The following ANK2 variants were observed in gnomAD, a reference collection of about 807,000 sequenced individuals.
ANK2 encodes the protein ankyrin 2.
A neutral mutation model predicts 360.5 loss-of-function variants in ANK2; 83 were observed. That is an observed-to-expected ratio of 0.23 (90% CI 0.19 to 0.28). ANK2 has a LOEUF of 0.28. ANK2 is among the 10% of genes least tolerant of loss of function. The pLI is 1.00. For synonymous variants in ANK2, 1,740 were observed against 1,759.5 expected (o/e 0.99, Z 0.28); for missense variants, 4,201 against 4,795.7 (o/e 0.88, Z 3.66).
intron 1 of ANK2, among the ~76,000 whole-genome samples, chr4:113,062,803 G>A (rs1252420253): frequency 6.6e-6 from 1 of 151,990 alleles, no homozygotes; most frequent in Non-Finnish European, 1.5e-5. Context: ...CAGCTGTCTA[G>A]TAAACATTTA....
chr4:113,340,487 G>A (rs2094143637), intron 32 of ANK2, among the ~76,000 whole-genome samples: 1 of 152,118 alleles, frequency 6.6e-6, no homozygotes, highest in Admixed American at 6.6e-5. Flanking sequence ...GAGCCCAGGA[G>A]TTCAAGACTA....
chr4:113,294,586 G>A (rs955915544), intron 22 of ANK2, among the ~76,000 whole-genome samples: 1 of 152,158 alleles, frequency 6.6e-6, no homozygotes, highest in African/African-American at 2.4e-5. Context: ...AGTTCCTGTT[G>A]ACATATATTG....
At chr4:112,754,111 GTATATATATATATATATA>G in the ANK2 span, among the ~76,000 whole-genome samples, 8 of 111,446 alleles carry the variant, frequency 7.2e-5, no homozygotes, top group Middle Eastern at 5.6e-3. Context: ...AAAAAAAAAA[GTATATATATATATATATA>G]TATATATATA....
chr4:113,069,726 T>C (rs150471849), intron 1 of ANK2, among the ~76,000 whole-genome samples: 204 of 152,278 alleles, frequency 1.3e-3, no homozygotes, highest in Middle Eastern at 6.8e-3. Flanking sequence ...CTCTTTCAGA[T>C]CCTAACTATC....
chr4:112,781,694 A>G, the ANK2 span, among the ~76,000 whole-genome samples: 1 of 152,170 alleles, frequency 6.6e-6, no homozygotes, highest in African/African-American at 2.4e-5. Context: ...ATAAAAATTC[A>G]TCAAGCTGTC....
At chr4:113,312,712 G>C (rs2080748105) in intron 24 of ANK2, among the ~76,000 whole-genome samples, 1 of 152,180 alleles carries the variant, frequency 6.6e-6, no homozygotes, top group African/African-American at 2.4e-5. Context: ...ACAAGGTCTT[G>C]AGCAAAGGCT....
Position 113,131,957 on chromosome 4 carries a change from C to T in ANK2, c.85-42459C>T, listed in dbSNP as rs185836639. Among the ~76,000 whole-genome samples the T allele has an allele frequency of 1.1e-3, 172 of 152,238 alleles. 1 individual carries two copies. The highest frequency in any genetic ancestry group is 4.0e-3 in the African/African-American group (165 of 41,532). On this transcript the variant is annotated intron_variant, in intron 1 of 45. Transcript: ENST00000357077. ...TCAAAGGCTTTTTTCTTCTTTTTCC[C>T]CTTTCCTCTTTGAGCTGAATTATCA... is the stretch of plus-strand genomic sequence containing the variant.
At position 113,076,299 on chromosome 4, in the gene ANK2, C is replaced by A. The variant is rs1231587641; in HGVS notation, c.84+26487C>A. On this transcript the variant is annotated intron_variant, in intron 1 of 45. Transcript: ENST00000357077. ...TCCATCCTTGGCCGCATGTGGCCTG[C>A]GGGCCAAGGGTTGGACAAACTTGCT... Among the ~76,000 whole-genome samples, 7 of 152,306 alleles carry A rather than the reference C, an allele frequency of 4.6e-5. No homozygotes were observed. In the East Asian group the frequency reaches 9.7e-4, roughly 21 times the overall value.
intron 1 of ANK2, among the ~76,000 whole-genome samples, chr4:112,855,624 G>A (rs1268813517): frequency 6.6e-6 from 1 of 152,102 alleles, no homozygotes; most frequent in Non-Finnish European, 1.5e-5. Flanking sequence ...GCCAGGTATT[G>A]TCCTAAGTTC....
chr4:113,009,132 C>G (rs1467794269), intron 2 of ANK2, among the ~76,000 whole-genome samples: 1 of 152,170 alleles, frequency 6.6e-6, no homozygotes, highest in Admixed American at 6.6e-5. Context: ...AAGGAGAACA[C>G]TGTTCTGTTT....
rs148851013 is a variant in ANK2, at chr4:113,357,897, C to G, written c.9279C>G (p.Thr3093=). ...TPARTPTEEG[T]PTSEQNPFLF... is the part of the protein sequence containing the mutation. ...CTAGGACCCCAACTGAAGAGGGGAC[C>G]CCAACAAGTGAGCAAAACCCATTTC... Residue 3093 remains threonine, a synonymous_variant, in exon 38 of 46, where the codon ACC becomes ACG. Coordinates refer to ENST00000357077, the MANE Select transcript of ANK2 (RefSeq NM_001148.6). 280 of 1,613,904 alleles carry G rather than the reference C, an allele frequency of 1.7e-4. 1 individual carries two copies. Among genetic ancestry groups the G allele is most frequent in the Non-Finnish European group, 3.3e-5 (39 of 1,179,986 alleles).
Position 113,311,297 on chromosome 4 carries a change from C to A in ANK2, c.2591C>A (p.Pro864His). ...GGTGATGGGGGAGAATACCTTAGGC[C>A]TGAGGACCTAAAAGAACTGGGTGAT... ...MTGDGGEYLR[P>H]EDLKELGDDS... The change falls in exon 24 of 46, where the codon CCT becomes CAT. Residue 864 changes from proline to histidine, a missense_variant. Around this residue, in one of 4 missense-constraint regions of ANK2, gnomAD observed 1,268 missense variants for 1,650.8 expected, o/e 0.77. Transcript: ENST00000357077. 2 of 1,614,104 alleles carry A rather than the reference C, an allele frequency of 1.2e-6. No individual in the cohort carries two copies. Among genetic ancestry groups the A allele is most frequent in the Non-Finnish European group, 1.7e-6 (2 of 1,180,020 alleles).
At chr4:113,023,677 T>C (rs72896469) in intron 2 of ANK2, among the ~76,000 whole-genome samples, 1,886 of 152,320 alleles carry the variant, frequency 0.012, 37 homozygotes, top group African/African-American at 0.043. Context: ...TATTTAATCG[T>C]TGTTTTCTGT....
At position 113,382,194 on chromosome 4, in the gene ANK2, A is replaced by G. The variant is rs920662850; in HGVS notation, c.*723A>G. The G allele has an allele frequency of 2.4e-5, 4 of 163,654 alleles. No homozygotes were observed. Among genetic ancestry groups the G allele is most frequent in the African/African-American group, 7.2e-5 (3 of 41,634 alleles). The allele number at this position is 163,654 out of a possible 1,614,324, so 10.1% of individuals were successfully genotyped here. On this transcript the variant is annotated 3_prime_UTR_variant, in exon 46 of 46. Coordinates refer to ENST00000357077, the MANE Select transcript of ANK2 (RefSeq NM_001148.6). ...AGTTTTACTGCAAAAGAAGCACTTC[A>G]AACCTATTATGTCCTTAGAACTTCC...
intron 24 of ANK2, among the ~76,000 whole-genome samples, chr4:113,315,942 C>T (rs2082756750): frequency 6.6e-6 from 1 of 151,014 alleles, no homozygotes; most frequent in Non-Finnish European, 1.5e-5. Context: ...TCTCGTGCCA[C>T]CTGGTACAAA....
chr4:113,185,537 C>A (rs559933072), intron 2 of ANK2, among the ~76,000 whole-genome samples: 4 of 152,310 alleles, frequency 2.6e-5, no homozygotes, highest in Non-Finnish European at 5.9e-5. Context: ...TGTTCATATC[C>A]TTTGCCCACT....
the ANK2 span, among the ~76,000 whole-genome samples, chr4:112,739,618 A>G: frequency 6.6e-6 from 1 of 152,160 alleles, no homozygotes; most frequent in Admixed American, 6.5e-5. Flanking sequence ...CGTCTGGGAA[A>G]CAAAAAGAGA....
intron 37 of ANK2, among the ~76,000 whole-genome samples, chr4:113,352,646 TTTC>T (rs1397333330): frequency 1.3e-5 from 2 of 151,892 alleles, no homozygotes; most frequent in Non-Finnish European, 2.9e-5. Flanking sequence ...CATGGTTGGT[TTTC>T]TTTTTTTTTT....
chr4:112,861,958 G>C (rs552184905), intron 1 of ANK2, among the ~76,000 whole-genome samples: 15 of 151,928 alleles, frequency 9.9e-5, no homozygotes, highest in East Asian at 5.8e-4. Context: ...TCAAAAAATG[G>C]CACCGAGTCC....
Sources: allele counts gnomAD v4.1 joint callset (sites outside exome capture counted in the v4.1 genomes callset), GRCh38; gene constraint gnomAD v4.1.1; regional missense constraint gnomAD v4.1.1; transcripts MANE v1.5; gene names NCBI Gene and HGNC (gene_info 2026-07-23, HGNC 2026-07-21).